Variants in BFSP1 observed in about 807,000 individuals in gnomAD.
The protein encoded by BFSP1 is beaded filament structural protein 1.
BFSP1 carries 38 observed loss-of-function variants against 43.9 expected under a neutral mutation model. The observed-to-expected ratio is 0.87, with a 90% CI of 0.67 to 1.14. The LOEUF (loss-of-function observed/expected upper bound fraction) is 1.14, where lower values mean the gene tolerates loss of function less well. Ranked by LOEUF, BFSP1 falls within the 50% of genes most tolerant of loss-of-function variation. The pLI, the probability that BFSP1 is intolerant of heterozygous loss-of-function variation, is 0.00. For missense variants in BFSP1, 850 were observed against 875.1 expected, an observed-to-expected ratio of 0.97 and a Z score of 0.36; for synonymous variants, 352 against 354.8, an observed-to-expected ratio of 0.99 and a Z score of 0.09.
intron 2 of BFSP1, chr20:17,517,022 C>T: frequency 2.4e-6 from 2 of 838,358 alleles, no homozygotes; most frequent in Non-Finnish European, 4.1e-6. Context: ...CTGACTACAA[C>T]ATTCAAAAGG....
At position 17,531,064 on chromosome 20, in the gene BFSP1, G is replaced by A; in HGVS notation, c.266C>T (p.Ala89Val). ...GELAGPEDAL[A>V]RQVESNRQRV... ...CTGGCGGTTGCTCTCGACTTGGCGGGCGAGGGCGTCCTCGGGCCCGGCCAG... is the reference window on the plus strand; with the variant it reads ...CTGGCGGTTGCTCTCGACTTGGCGGACGAGGGCGTCCTCGGGCCCGGCCAG... Residue 89 changes from alanine to valine, a missense_variant, in exon 1 of 8, where the codon GCC becomes GTC. Coordinates refer to ENST00000377873, the MANE Select transcript of BFSP1 (RefSeq NM_001195.5). 1.4e-6 allele frequency: 2 copies of A among 1,400,750 alleles called. No individual in the cohort carries two copies. Among genetic ancestry groups the A allele is most frequent in the Non-Finnish European group, 1.9e-6 (2 of 1,079,134 alleles). 86.8% of individuals were successfully genotyped at this position (1,400,750 alleles called of 1,614,324 possible).
chr20:17,551,908 C>A (rs911873108), intron 1 of BFSP1, among the ~76,000 whole-genome samples: 12 of 151,982 alleles, frequency 7.9e-5, no homozygotes, highest in African/African-American at 2.7e-4. Flanking sequence ...TTGTTTGAAC[C>A]CAGGAGGCAG....
chr20:17,530,310 C>T (rs2034506696), intron 1 of BFSP1, among the ~76,000 whole-genome samples: 1 of 152,234 alleles, frequency 6.6e-6, no homozygotes, highest in Non-Finnish European at 1.5e-5. Context: ...CAGCAGTTCG[C>T]CAGCTGAGGG....
At position 17,494,156 on chromosome 20, in the gene BFSP1, T is replaced by A; in HGVS notation, c.1916A>T (p.Tyr639Phe). The change falls in exon 8 of 8, where the codon TAT becomes TTT. Residue 639 changes from tyrosine to phenylalanine, a missense_variant. By Grantham distance (22) the Tyr-to-Phe change is conservative (BLOSUM62 3). Coordinates refer to ENST00000377873, the MANE Select transcript of BFSP1 (RefSeq NM_001195.5). ...EKISTESIQT[Y>F]EETAVIVETM... Reference sequence around the variant, plus strand: ...CTCCACGATCACAGCGGTTTCTTCATATGTCTGAATGCTCTCCGTGGAAAT... The same window carrying A: ...CTCCACGATCACAGCGGTTTCTTCAAATGTCTGAATGCTCTCCGTGGAAAT... 2 of 1,614,200 alleles carry A rather than the reference T, an allele frequency of 1.2e-6. No individual in the cohort carries two copies. The highest frequency in any genetic ancestry group is 1.7e-5 in the Admixed American group (1 of 60,034).
intron 5 of BFSP1, among the ~76,000 whole-genome samples, chr20:17,505,818 A>G (rs1396791237): frequency 6.6e-6 from 1 of 152,128 alleles, no homozygotes; most frequent in Non-Finnish European, 1.5e-5. Context: ...GCCACACCCC[A>G]GACCCACTGA....
At chr20:17,566,007 A>G (rs371593722) in intron 1 of BFSP1, among the ~76,000 whole-genome samples, 13 of 151,352 alleles carry the variant, frequency 8.6e-5, no homozygotes, top group South Asian at 4.2e-4. Flanking sequence ...AATCCCAGCT[A>G]CTCGGGAGGC....
At chr20:17,517,841 G>A (rs1363407506) in intron 2 of BFSP1, among the ~76,000 whole-genome samples, 1 of 152,160 alleles carries the variant, frequency 6.6e-6, no homozygotes, top group Non-Finnish European at 1.5e-5. Context: ...CATGCGGCTG[G>A]TGGCTGCCAT....
At chr20:17,520,529 T>G (rs1197343272) in intron 2 of BFSP1, among the ~76,000 whole-genome samples, 1 of 152,236 alleles carries the variant, frequency 6.6e-6, no homozygotes, top group Admixed American at 6.5e-5. Flanking sequence ...CCTTCAACTC[T>G]GGATGTCAAA....
rs150798461 is a variant in BFSP1 at position 17,494,924 on chromosome 20, T to C, written c.1148A>G (p.Asn383Ser). 7.7e-4 allele frequency: 1,246 copies of C among 1,614,132 alleles called. 17 individuals carry two copies. The East Asian group carries it at 0.015, about 19-fold the overall frequency. The change falls in exon 8 of 8, where the codon AAC (asparagine) becomes AGC (serine). Residue 383 changes from asparagine to serine, a missense_variant. Coordinates refer to ENST00000377873, the MANE Select transcript of BFSP1 (RefSeq NM_001195.5). ...RKEIITKDKT[N>S]GALEDAPLKG... Reference sequence around the variant, plus strand: ...TAATGGTGCATCTTCCAGAGCTCCGTTGGTTTTGTCTTTTGTTATAATCTC... The same window carrying C: ...TAATGGTGCATCTTCCAGAGCTCCGCTGGTTTTGTCTTTTGTTATAATCTC...
At chr20:17,497,942 T>C (rs984479495) in intron 6 of BFSP1, among the ~76,000 whole-genome samples, 2 of 152,204 alleles carry the variant, frequency 1.3e-5, no homozygotes, top group Non-Finnish European at 2.9e-5. Flanking sequence ...GACTTATTCT[T>C]GCAGATGTGT....
At chr20:17,539,247 ACTACAGGTG>A (rs2034678321) in intron 1 of BFSP1, among the ~76,000 whole-genome samples, 1 of 150,362 alleles carries the variant, frequency 6.7e-6, no homozygotes, top group Admixed American at 6.7e-5. Flanking sequence ...ACTAGCTGGG[ACTACAGGTG>A]CACACTACCA....
chr20:17,524,663 G>GT lies in BFSP1; in HGVS notation c.438+184dup, dbSNP rs562407924. 7.5e-3 allele frequency among the ~76,000 whole-genome samples: 1,146 copies of GT among 152,282 alleles called. 7 individuals are homozygous for GT. The highest frequency in any genetic ancestry group is 0.015 in the South Asian group (70 of 4,818). ...TTTCTCTCGTGAGAGAGGGGTGTGTGTATGGGTGTGTGAGTTCACTCATAA... is the reference window on the plus strand; with the variant it reads ...TTTCTCTCGTGAGAGAGGGGTGTGTGTTATGGGTGTGTGAGTTCACTCATAA... On this transcript the variant is annotated intron_variant, in intron 2 of 7. Coordinates refer to ENST00000377873, the MANE Select transcript of BFSP1 (RefSeq NM_001195.5).
intron 2 of BFSP1, among the ~76,000 whole-genome samples, chr20:17,520,923 A>G (rs781685989): frequency 2.0e-5 from 3 of 152,226 alleles, no homozygotes; most frequent in Admixed American, 6.5e-5. Context: ...GAAAAAGTAT[A>G]TATGTCAGCC....
At chr20:17,551,988 A>T (rs1437883505) in intron 1 of BFSP1, among the ~76,000 whole-genome samples, 1 of 152,228 alleles carries the variant, frequency 6.6e-6, no homozygotes, top group Non-Finnish European at 1.5e-5. Flanking sequence ...TCTCTCTCAA[A>T]AAGAAAAAAA....
chr20:17,534,553 T>C (rs1234431582), upstream of BFSP1, among the ~76,000 whole-genome samples: 1 of 152,206 alleles, frequency 6.6e-6, no homozygotes, highest in Non-Finnish European at 1.5e-5. Flanking sequence ...AACCTGAATA[T>C]GTAGCCTATA....
At chr20:17,559,122 C>T (rs1285748360), upstream of BFSP1, among the ~76,000 whole-genome samples, 7 of 152,018 alleles carry the variant, frequency 4.6e-5, no homozygotes, top group Non-Finnish European at 1.0e-4. Flanking sequence ...GAAGCTAATG[C>T]TGTTTGATCT....
At chr20:17,538,595 G>A (rs578151931) in intron 1 of BFSP1, among the ~76,000 whole-genome samples, 4 of 152,276 alleles carry the variant, frequency 2.6e-5, no homozygotes, top group South Asian at 2.1e-4. Flanking sequence ...TACACCTACC[G>A]AAATGATGGT....
chr20:17,497,448 G>A (rs7344062), intron 6 of BFSP1, among the ~76,000 whole-genome samples: 21,491 of 70,362 alleles, frequency 0.31, 1,685 homozygotes, highest in African/African-American at 0.44. Context: ...ATACGTGTAT[G>A]TATATATATA....
intron 1 of BFSP1, among the ~76,000 whole-genome samples, chr20:17,557,155 G>A (rs2035005269): frequency 6.6e-6 from 1 of 152,220 alleles, no homozygotes; most frequent in Non-Finnish European, 1.5e-5. Flanking sequence ...TATAAGATGA[G>A]TGGAAAAGCA....
Sources: allele counts gnomAD v4.1 joint callset (sites outside exome capture counted in the v4.1 genomes callset), GRCh38; gene constraint gnomAD v4.1.1; transcripts MANE v1.5; gene names NCBI Gene and HGNC (gene_info 2026-07-23, HGNC 2026-07-21).